CHCHD6: variants seen among roughly 807,000 people sequenced by gnomAD.
CHCHD6 encodes the protein coiled-coil-helix-coiled-coil-helix domain containing 6.
Under a neutral mutation model 32.3 loss-of-function variants are expected in CHCHD6, and 28 were observed. That is an observed-to-expected ratio of 0.87 (90% CI 0.64 to 1.19). The LOEUF is 1.19. Ranked by LOEUF, CHCHD6 falls within the 50% of genes most tolerant of loss-of-function variation. The probability of loss-of-function intolerance (pLI) is 0.00; values close to 1 mark genes in which losing one functional copy is unlikely to be tolerated. For synonymous variants in CHCHD6, 122 were observed against 117.5 expected, an observed-to-expected ratio of 1.04 and a Z score of -0.25; for missense variants, 333 against 307.0, an observed-to-expected ratio of 1.08 and a Z score of -0.63.
chr3:126,905,977 A>G (rs1230154353), intron 5 of CHCHD6, among the ~76,000 whole-genome samples: 1 of 152,126 alleles, frequency 6.6e-6, no homozygotes, highest in African/African-American at 2.4e-5. Flanking sequence ...GGCAGAGGGA[A>G]AGAGGAAATA....
At chr3:126,939,094 G>A (rs1028403492) in intron 6 of CHCHD6, among the ~76,000 whole-genome samples, 2 of 152,168 alleles carry the variant, frequency 1.3e-5, no homozygotes, top group African/African-American at 4.8e-5. Flanking sequence ...TCAGTGAAGT[G>A]AACAGACTTG....
intron 5 of CHCHD6, among the ~76,000 whole-genome samples, chr3:126,878,975 C>T (rs1408191845): frequency 6.6e-6 from 1 of 152,236 alleles, no homozygotes; most frequent in Non-Finnish European, 1.5e-5. Flanking sequence ...TCACCTGCAC[C>T]TGTCCTCATT....
At chr3:126,731,188 T>C (rs1309665355) in intron 3 of CHCHD6, among the ~76,000 whole-genome samples, 1 of 150,528 alleles carries the variant, frequency 6.6e-6, no homozygotes, top group Non-Finnish European at 1.5e-5. Context: ...TGTGTGCACA[T>C]GCAGGCATGT....
intron 1 of CHCHD6, among the ~76,000 whole-genome samples, chr3:126,707,629 T>C (rs1041139344): frequency 6.6e-6 from 1 of 152,128 alleles, no homozygotes; most frequent in Non-Finnish European, 1.5e-5. Context: ...CTTTCCCCCT[T>C]TCCCACCACT....
intron 5 of CHCHD6, among the ~76,000 whole-genome samples, chr3:126,875,261 G>A (rs2077525226): frequency 6.6e-6 from 1 of 152,266 alleles, no homozygotes; most frequent in Non-Finnish European, 1.5e-5. Flanking sequence ...TACCCACCCT[G>A]CATGGGTCCT....
chr3:126,928,485 G>A (rs887732051), intron 6 of CHCHD6, among the ~76,000 whole-genome samples: 2 of 152,150 alleles, frequency 1.3e-5, no homozygotes, highest in Non-Finnish European at 2.9e-5. Flanking sequence ...TGTCCCCAGT[G>A]CAGGCTGGCC....
At chr3:126,893,444 C>T (rs1354607211) in intron 5 of CHCHD6, among the ~76,000 whole-genome samples, 2 of 152,172 alleles carry the variant, frequency 1.3e-5, no homozygotes, top group East Asian at 1.9e-4. Context: ...GCCTTGCCAC[C>T]GGTGCTCTGG....
chr3:126,885,052 G>T lies in CHCHD6; in HGVS notation c.496-29628G>T, dbSNP rs561948992. 1.4e-3 allele frequency among the ~76,000 whole-genome samples: 215 copies of T among 152,292 alleles called. 2 individuals carry two copies. The highest frequency in any genetic ancestry group is 7.1e-4 in the Non-Finnish European group (48 of 68,020). ...CTCGCTGACCTGAAGGCCAGTCGTG[G>T]CACTGGTGTCAGGGGGCAAGTGTGT... On this transcript the variant is annotated intron_variant, in intron 5 of 7. Transcript: ENST00000290913.
At chr3:126,758,652 T>C (rs1217845797) in intron 4 of CHCHD6, among the ~76,000 whole-genome samples, 1 of 152,208 alleles carries the variant, frequency 6.6e-6, no homozygotes, top group Non-Finnish European at 1.5e-5. Flanking sequence ...AGCAATTGGC[T>C]TTAATTCTCA....
chr3:126,766,639 C>T, intron 4 of CHCHD6: 1 of 1,027,772 alleles, frequency 9.7e-7, no homozygotes, highest in East Asian at 2.4e-5. Context: ...GGTGATGGGC[C>T]CCAGCTATGG....
intron 5 of CHCHD6, among the ~76,000 whole-genome samples, chr3:126,862,495 A>C (rs1941960889): frequency 8.4e-6 from 1 of 118,750 alleles, no homozygotes; most frequent in Admixed American, 8.5e-5. Context: ...CTCCACCATC[A>C]CCACCTCCCC....
intron 1 of CHCHD6, among the ~76,000 whole-genome samples, chr3:126,707,330 CAA>C (rs1167387490): frequency 6.6e-6 from 1 of 151,378 alleles, no homozygotes; most frequent in Non-Finnish European, 1.5e-5. Context: ...CATAAATTCA[CAA>C]AGTGTGTTCA....
intron 4 of CHCHD6, 130 bp downstream of exon 4, chr3:126,733,352 C>T: frequency 2.4e-6 from 2 of 836,188 alleles, no homozygotes; most frequent in South Asian, 3.6e-5. Flanking sequence ...TGCTCGGCTT[C>T]ACCTCTGTGG....
chr3:126,763,375 G>A (rs1310911268), intron 4 of CHCHD6, among the ~76,000 whole-genome samples: 1 of 143,812 alleles, frequency 7.0e-6, no homozygotes, highest in East Asian at 2.1e-4. Context: ...TGTCCAGGCT[G>A]CAGTACAGTG....
chr3:126,945,772 C>T (rs1336346030), intron 6 of CHCHD6, among the ~76,000 whole-genome samples: 19 of 129,780 alleles, frequency 1.5e-4, no homozygotes, highest in African/African-American at 2.1e-4. Context: ...GAGACTCGAG[C>T]GGGGACACTC....
At chr3:126,759,238 T>C (rs1937077881) in intron 4 of CHCHD6, among the ~76,000 whole-genome samples, 1 of 152,264 alleles carries the variant, frequency 6.6e-6, no homozygotes, top group Admixed American at 6.5e-5. Context: ...GGCCTCACTC[T>C]ACCTGTATTG....
chr3:126,757,332 G>A (rs976860847), intron 4 of CHCHD6, among the ~76,000 whole-genome samples: 7 of 152,172 alleles, frequency 4.6e-5, no homozygotes, highest in African/African-American at 1.4e-4. Context: ...TGTACTTGGG[G>A]ACTTTGTCAC....
chr3:126,830,319 C>G (rs1250707028), intron 4 of CHCHD6, among the ~76,000 whole-genome samples: 1 of 152,182 alleles, frequency 6.6e-6, no homozygotes, highest in African/African-American at 2.4e-5. Flanking sequence ...AAAAGGAGGC[C>G]TCTGGATCTT....
At chr3:126,866,770 G>A (rs188714057) in intron 5 of CHCHD6, among the ~76,000 whole-genome samples, 81 of 151,958 alleles carry the variant, frequency 5.3e-4, no homozygotes, top group African/African-American at 1.9e-3. Flanking sequence ...TTTTTCTTTT[G>A]TTCTTAAGTA....
Sources: gnomAD v4.1 joint callset for allele counts (sites outside exome capture counted in the v4.1 genomes callset) on GRCh38, gnomAD v4.1.1 for gene constraint, MANE v1.5 for transcripts, NCBI Gene and HGNC (gene_info 2026-07-23, HGNC 2026-07-21) for gene names.